The following QTMAN variants were observed in gnomAD, a reference collection of about 807,000 sequenced individuals.
QTMAN encodes the protein queuosine-tRNA mannosyltransferase, also known as tRNA-queuosine alpha-mannosyltransferase.
At chr2:144,035,474 A>T in the QTMAN span, among the ~76,000 whole-genome samples, 5 of 152,236 alleles carry the variant, frequency 3.3e-5, no homozygotes, top group African/African-American at 1.2e-4. Flanking sequence ...TTCCTTATTC[A>T]ACAGGCTATG....
At chr2:143,987,630 T>C in the QTMAN span, among the ~76,000 whole-genome samples, 27 of 152,358 alleles carry the variant, frequency 1.8e-4, no homozygotes, top group Middle Eastern at 3.4e-3. Flanking sequence ...AGTATTAATT[T>C]GTTTAATGTG....
At chr2:144,188,296 C>T in the QTMAN span, among the ~76,000 whole-genome samples, 1 of 151,794 alleles carries the variant, frequency 6.6e-6, no homozygotes, top group Non-Finnish European at 1.5e-5. Flanking sequence ...TTAATTTAAG[C>T]TTTCACAACA....
the QTMAN span, among the ~76,000 whole-genome samples, chr2:144,291,982 G>A: frequency 6.6e-6 from 1 of 152,138 alleles, no homozygotes; most frequent in South Asian, 2.1e-4. Flanking sequence ...GGGTTCAAAT[G>A]AACATTTGGT....
chr2:144,288,363 G>A, the QTMAN span, among the ~76,000 whole-genome samples: 2 of 152,030 alleles, frequency 1.3e-5, no homozygotes, highest in African/African-American at 4.8e-5. Context: ...CCCAAGTAAA[G>A]GCTTAAAAAT....
the QTMAN span, among the ~76,000 whole-genome samples, chr2:144,203,345 A>T: frequency 6.6e-6 from 1 of 152,198 alleles, no homozygotes; most frequent in Non-Finnish European, 1.5e-5. Context: ...CTACATTTTC[A>T]ACATAAAGTC....
the QTMAN span, among the ~76,000 whole-genome samples, chr2:144,109,974 A>T: frequency 6.6e-6 from 1 of 152,178 alleles, no homozygotes; most frequent in Admixed American, 6.5e-5. Flanking sequence ...ATTGTGGAAG[A>T]CAGTGTGGCG....
chr2:144,111,863 G>A, the QTMAN span, among the ~76,000 whole-genome samples: 2 of 152,148 alleles, frequency 1.3e-5, no homozygotes, highest in South Asian at 4.1e-4. Flanking sequence ...ACAATGAAAT[G>A]TTTTCAAAAT....
chr2:144,274,318 A>T, the QTMAN span, among the ~76,000 whole-genome samples: 2 of 152,110 alleles, frequency 1.3e-5, no homozygotes, highest in East Asian at 3.9e-4. Context: ...AATCTGACAC[A>T]GTTTCTAAAT....
the QTMAN span, among the ~76,000 whole-genome samples, chr2:144,215,243 A>ATTT: frequency 6.8e-6 from 1 of 147,872 alleles, no homozygotes; most frequent in African/African-American, 2.5e-5. Flanking sequence ...TCCTGTCTTT[A>ATTT]TTTTTTAAAA....
the QTMAN span, among the ~76,000 whole-genome samples, chr2:144,121,855 C>T: frequency 6.6e-6 from 1 of 152,038 alleles, no homozygotes; most frequent in South Asian, 2.1e-4. Context: ...CTTTTTGATA[C>T]TCATTCCCCC....
At chr2:143,951,122 G>T in the QTMAN span, 1 of 151,862 alleles carries the variant, frequency 6.6e-6, no homozygotes, top group African/African-American at 2.4e-5. Flanking sequence ...CATGTAGAAG[G>T]TTATATATTA....
At chr2:144,211,180 T>C in the QTMAN span, 1 of 152,184 alleles carries the variant, frequency 6.6e-6, no homozygotes, top group Non-Finnish European at 1.5e-5. Context: ...TACATGTAGA[T>C]GCTCCTATAG....
the QTMAN span, among the ~76,000 whole-genome samples, chr2:144,243,422 G>T: frequency 5.9e-5 from 9 of 152,122 alleles, no homozygotes; most frequent in Admixed American, 5.9e-4. Context: ...CACTACTAGG[G>T]TTATTTTTTC....
the QTMAN span, among the ~76,000 whole-genome samples, chr2:144,297,575 G>A: frequency 3.5e-5 from 5 of 142,402 alleles, no homozygotes; most frequent in African/African-American, 7.8e-5. Context: ...GCAGGATTCC[G>A]TCTTTTTTTT....
the QTMAN span, among the ~76,000 whole-genome samples, chr2:144,081,362 T>C: frequency 6.6e-6 from 1 of 152,188 alleles, no homozygotes; most frequent in Non-Finnish European, 1.5e-5. Context: ...CTTTTTCTCC[T>C]TCTTCCACAA....
At chr2:143,979,909 A>C in the QTMAN span, among the ~76,000 whole-genome samples, 2 of 152,166 alleles carry the variant, frequency 1.3e-5, no homozygotes, top group Non-Finnish European at 2.9e-5. Context: ...GTTATCTAAT[A>C]AATATAGCCA....
the QTMAN span, chr2:143,941,247 AG>A: frequency 1.3e-5 from 2 of 152,244 alleles, no homozygotes; most frequent in African/African-American, 2.4e-5. Context: ...CAGGAGGGCC[AG>A]GGAAGTTACC....
the QTMAN span, among the ~76,000 whole-genome samples, chr2:144,024,075 A>G: frequency 6.6e-6 from 1 of 152,256 alleles, no homozygotes; most frequent in Admixed American, 6.5e-5. Context: ...ACAGACAGCA[A>G]ATGGCCAGAT....
At chr2:144,283,355 AAAACCCCAT>A in the QTMAN span, among the ~76,000 whole-genome samples, 1 of 152,214 alleles carries the variant, frequency 6.6e-6, no homozygotes, top group Non-Finnish European at 1.5e-5. Context: ...CAGTGAGGAA[AAAACCCCAT>A]AAACATTTTG....
Sources: allele counts gnomAD v4.1 joint callset (sites outside exome capture counted in the v4.1 genomes callset), GRCh38; gene constraint gnomAD v4.1.1; transcripts MANE v1.5; gene names NCBI Gene and HGNC (gene_info 2026-07-23, HGNC 2026-07-21).